The following BTBD10 variants were observed in gnomAD, a reference collection of about 807,000 sequenced individuals.
BTBD10 encodes the protein BTB domain containing 10.
Under a neutral mutation model 53.2 loss-of-function variants are expected in BTBD10, and 21 were observed. That is an observed-to-expected ratio of 0.39 (90% CI 0.28 to 0.57). The LOEUF is 0.57. Ranked by LOEUF, BTBD10 falls within the 20% of genes least tolerant of loss-of-function variation. BTBD10 has a pLI of 0.53. For synonymous variants in BTBD10, 149 were observed against 192.7 expected (o/e 0.77, Z 1.88); for missense variants, 360 against 594.7 (o/e 0.61, Z 4.10).
rs1196615635 is a variant in BTBD10 at position 13,445,125 on chromosome 11, C to G, written c.-1G>C. 1 of 1,611,736 alleles carries G rather than the reference C, an allele frequency of 6.2e-7. No individual in the cohort carries two copies. Among genetic ancestry groups the G allele is most frequent in the Non-Finnish European group, 8.5e-7 (1 of 1,178,116 alleles). On this transcript the variant is annotated 5_prime_UTR_variant, in exon 2 of 9. Transcript: ENST00000278174. ...CATAGGGATGAGGCCGTCCTGCCAT[C>G]CCACTCCAAGCTTCCTCACACTACT...
intron 1 of BTBD10, among the ~76,000 whole-genome samples, chr11:13,446,112 A>G (rs1950745957): frequency 6.6e-6 from 1 of 152,190 alleles, no homozygotes; most frequent in African/African-American, 2.4e-5. Flanking sequence ...TTTGACTTTC[A>G]GAAATTGCAG....
At chr11:13,414,861 A>G (rs72870951) in intron 5 of BTBD10, among the ~76,000 whole-genome samples, 25,277 of 145,290 alleles carry the variant, frequency 0.17, 2,409 homozygotes, top group Admixed American at 0.23. Context: ...AAAAAAAAAA[A>G]AAAAGAAAAG....
intron 2 of BTBD10, among the ~76,000 whole-genome samples, chr11:13,435,288 AAAT>A (rs1325192377): frequency 6.6e-6 from 1 of 152,176 alleles, no homozygotes; most frequent in Non-Finnish European, 1.5e-5. Flanking sequence ...AATATTTACT[AAAT>A]AACTACACTG....
intron 2 of BTBD10, among the ~76,000 whole-genome samples, chr11:13,430,992 C>CACACACACACAT (rs1950437968): frequency 6.7e-6 from 1 of 150,346 alleles, no homozygotes; most frequent in Admixed American, 6.6e-5. Flanking sequence ...CACACACACA[C>CACACACACACAT]ACACACACAC....
chr11:13,449,926 A>C (rs967191030), intron 1 of BTBD10, among the ~76,000 whole-genome samples: 9 of 152,190 alleles, frequency 5.9e-5, no homozygotes, highest in African/African-American at 1.2e-4. Flanking sequence ...GCACTTTTAC[A>C]ATGGGGATAA....
At chr11:13,425,819 T>C (rs560803816) in intron 2 of BTBD10, among the ~76,000 whole-genome samples, 2 of 152,296 alleles carry the variant, frequency 1.3e-5, no homozygotes, top group Admixed American at 6.5e-5. Flanking sequence ...TATACATGTA[T>C]TGAAATATCA....
At chr11:13,460,225 A>C (rs1331241383) in intron 1 of BTBD10, among the ~76,000 whole-genome samples, 1 of 152,230 alleles carries the variant, frequency 6.6e-6, no homozygotes, top group African/African-American at 2.4e-5. Context: ...TCTCTGCACA[A>C]GTTATGATAA....
chr11:13,409,700 G>A (rs1278213252), intron 6 of BTBD10, among the ~76,000 whole-genome samples: 4 of 152,072 alleles, frequency 2.6e-5, no homozygotes, highest in Non-Finnish European at 5.9e-5. Context: ...CTTAGATAAT[G>A]ATTCTCCACA....
At position 13,460,982 on chromosome 11, in the gene BTBD10, CTTCAG is replaced by C. The variant is rs199593540; in HGVS notation, c.-58+2105_-58+2109del. ...AACCATAAATACTGAGATGCTTTTT[CTTCAG>C]TTATTTCCACAGTTAAAACGTTTAT... On this transcript the variant is annotated intron_variant, in intron 1 of 8. Coordinates refer to ENST00000278174, the MANE Select transcript of BTBD10 (RefSeq NM_032320.7). Among the ~76,000 whole-genome samples the C allele has an allele frequency of 1.0e-3, 158 of 152,294 alleles. 1 individual carries two copies. In the East Asian group the frequency reaches 0.025, roughly 25 times the overall value.
chr11:13,399,620 G>A (rs1056993284), intron 8 of BTBD10, among the ~76,000 whole-genome samples: 3 of 152,116 alleles, frequency 2.0e-5, no homozygotes, highest in African/African-American at 4.8e-5. Context: ...GAGGAGAGGC[G>A]CTCTGATTTT....
intron 6 of BTBD10, among the ~76,000 whole-genome samples, chr11:13,407,422 A>T (rs7937399): frequency 0.77 from 117,241 of 151,614 alleles, 46,072 homozygotes; most frequent in Middle Eastern, 0.88. Context: ...ACCGTCTCTA[A>T]CTCTCTCCAC....
intron 8 of BTBD10, among the ~76,000 whole-genome samples, chr11:13,393,958 C>A (rs983980433): frequency 6.6e-6 from 1 of 152,064 alleles, no homozygotes; most frequent in African/African-American, 2.4e-5. Flanking sequence ...AATAACCTCA[C>A]TAGGTAGAGG....
chr11:13,392,797 G>A (rs1565225831), intron 8 of BTBD10, among the ~76,000 whole-genome samples: 1 of 152,106 alleles, frequency 6.6e-6, no homozygotes, highest in Non-Finnish European at 1.5e-5. Flanking sequence ...TATTCTATGG[G>A]AACTGTAATT....
intron 8 of BTBD10, among the ~76,000 whole-genome samples, chr11:13,392,103 T>C (rs748125812): frequency 1.3e-5 from 2 of 152,254 alleles, no homozygotes; most frequent in Non-Finnish European, 2.9e-5. Flanking sequence ...AAGGTGTTTA[T>C]GGTCTATTGA....
intron 3 of BTBD10, among the ~76,000 whole-genome samples, 182 bp from the exon 4 acceptor site, chr11:13,419,927 C>T (rs1471480359): frequency 2.6e-5 from 4 of 152,062 alleles, no homozygotes; most frequent in Non-Finnish European, 5.9e-5. Context: ...AGGAATACAA[C>T]CCAAAACATC....
intron 2 of BTBD10, chr11:13,440,218 A>G: frequency 7.5e-7 from 1 of 1,337,394 alleles, no homozygotes; most frequent in Non-Finnish European, 9.7e-7. Context: ...TTATTTTCTC[A>G]CAGACACTGA....
intron 2 of BTBD10, among the ~76,000 whole-genome samples, chr11:13,433,777 T>C (rs1365591315): frequency 6.6e-6 from 1 of 152,006 alleles, no homozygotes; most frequent in African/African-American, 2.4e-5. Context: ...AAATATTCAC[T>C]ATCCAGCCCT....
At chr11:13,450,325 C>A (rs1315267187) in intron 1 of BTBD10, among the ~76,000 whole-genome samples, 2 of 152,126 alleles carry the variant, frequency 1.3e-5, no homozygotes, top group African/African-American at 4.8e-5. Context: ...GCAAATTAAT[C>A]ACTTGATACT....
At chr11:13,432,600 G>A (rs777976010) in intron 2 of BTBD10, among the ~76,000 whole-genome samples, 25 of 151,388 alleles carry the variant, frequency 1.7e-4, no homozygotes, top group Non-Finnish European at 3.0e-4. Context: ...GCAATAAAGT[G>A]GAGACAAAAA....
Sources: allele counts gnomAD v4.1 joint callset (sites outside exome capture counted in the v4.1 genomes callset), GRCh38; gene constraint gnomAD v4.1.1; transcripts MANE v1.5; gene names NCBI Gene and HGNC (gene_info 2026-07-23, HGNC 2026-07-21).